DLGAP2: variants seen among roughly 807,000 people sequenced by gnomAD.
The protein encoded by DLGAP2 is disks large-associated protein 2.
Under a neutral mutation model 100.3 loss-of-function variants are expected in DLGAP2, and 26 were observed. The observed-to-expected ratio is 0.26, with a 90% CI of 0.19 to 0.36. DLGAP2 has a LOEUF of 0.36. Ranked by LOEUF, DLGAP2 falls within the 10% of genes least tolerant of loss-of-function variation. The pLI is 1.00. For missense variants in DLGAP2, 1,858 were observed against 1,453.2 expected (o/e 1.28, Z -4.53); for synonymous variants, 886 against 630.1 (o/e 1.41, Z -6.08).
intron 2 of DLGAP2, among the ~76,000 whole-genome samples, chr8:1,152,416 A>G (rs1796712347): frequency 6.6e-6 from 1 of 152,238 alleles, no homozygotes; most frequent in Admixed American, 6.5e-5. Context: ...TAAGTATTTA[A>G]ACGGGATGAA....
rs552046306 is a variant in DLGAP2, at chr8:1,086,082, G to A, written c.74-172769G>A. ...TTTTAGAAAGTTTATTGTTAGTGTA[G>A]AGAAACACTAATGACTTTGGCATGT... is the stretch of plus-strand genomic sequence containing the variant. On this transcript the variant is annotated intron_variant, in intron 2 of 14. Coordinates refer to ENST00000637795, the MANE Select transcript of DLGAP2 (RefSeq NM_001346810.2). Among the ~76,000 whole-genome samples, 12 of 152,196 alleles carry A rather than the reference G, an allele frequency of 7.9e-5. No homozygotes were observed. In the South Asian group the frequency reaches 1.9e-3, roughly 24 times the overall value.
chr8:1,630,780 C>G (rs562174243), intron 7 of DLGAP2, among the ~76,000 whole-genome samples: 3 of 152,190 alleles, frequency 2.0e-5, no homozygotes, highest in African/African-American at 4.8e-5. Context: ...AAAAATCTAA[C>G]TGAAGTCTTG....
intron 2 of DLGAP2, among the ~76,000 whole-genome samples, chr8:1,156,317 G>C (rs1042446802): frequency 6.6e-6 from 1 of 152,204 alleles, no homozygotes; most frequent in African/African-American, 2.4e-5. Context: ...CCTGAGGAGA[G>C]GATGGGAGCT....
At chr8:857,619 A>C (rs761276000) in intron 1 of DLGAP2, among the ~76,000 whole-genome samples, 1 of 152,180 alleles carries the variant, frequency 6.6e-6, no homozygotes, top group Non-Finnish European at 1.5e-5. Context: ...ATAAAACAGC[A>C]AGGAGACAGT....
At chr8:1,582,605 G>A (rs6988414) in intron 6 of DLGAP2, among the ~76,000 whole-genome samples, 10 of 151,474 alleles carry the variant, frequency 6.6e-5, no homozygotes, top group Non-Finnish European at 8.8e-5. Context: ...CTTTTCCCCC[G>A]CCAAGATGGA....
At chr8:847,314 C>T (rs568351082) in intron 1 of DLGAP2, among the ~76,000 whole-genome samples, 1 of 152,182 alleles carries the variant, frequency 6.6e-6, no homozygotes, top group South Asian at 2.1e-4. Context: ...ACTGTTTTTA[C>T]TTATGTTTCC....
intron 3 of DLGAP2, chr8:1,373,936 T>A (rs1409143334): frequency 6.6e-6 from 1 of 152,482 alleles, no homozygotes; most frequent in Non-Finnish European, 1.5e-5. Flanking sequence ...TTGAAAAAAG[T>A]TATCCCAATT....
intron 1 of DLGAP2, among the ~76,000 whole-genome samples, chr8:807,765 C>A (rs1796296650): frequency 6.6e-6 from 1 of 152,222 alleles, no homozygotes; most frequent in African/African-American, 2.4e-5. Flanking sequence ...TTCTTAGCTA[C>A]TTAGCTGTCT....
At position 928,407 on chromosome 8, in the gene DLGAP2, G is replaced by A. The variant is rs911152180; in HGVS notation, c.73+20441G>A. 9.2e-5 allele frequency among the ~76,000 whole-genome samples: 14 copies of A among 152,138 alleles called. 1 individual carries two copies. Among genetic ancestry groups the A allele is most frequent in the African/African-American group, 2.9e-4 (12 of 41,420 alleles). On this transcript the variant is annotated intron_variant, in intron 2 of 14. Coordinates refer to ENST00000637795, the MANE Select transcript of DLGAP2 (RefSeq NM_001346810.2). ...AATGTGTTCAGTAGGTGTCCTGGACGTGGATTTACTGTGCCCTTAGTGTAT... is the reference window on the plus strand; with the variant it reads ...AATGTGTTCAGTAGGTGTCCTGGACATGGATTTACTGTGCCCTTAGTGTAT...
intron 3 of DLGAP2, among the ~76,000 whole-genome samples, chr8:1,483,391 G>T (rs1296843047): frequency 6.6e-6 from 1 of 152,178 alleles, no homozygotes; most frequent in Admixed American, 6.5e-5. Context: ...ACGTGGAGAT[G>T]AGCACACCTG....
chr8:1,255,207 GCCCTC>G (rs1208064269), intron 2 of DLGAP2, among the ~76,000 whole-genome samples: 1 of 95,758 alleles, frequency 1.0e-5, no homozygotes. Context: ...CTGTGTGTGT[GCCCTC>G]TCATCCTGCC....
chr8:946,101 C>T (rs564094337), intron 2 of DLGAP2, among the ~76,000 whole-genome samples: 1 of 152,096 alleles, frequency 6.6e-6, no homozygotes, highest in East Asian at 1.9e-4. Flanking sequence ...TTTGTGTGTC[C>T]CTGTGATTGC....
At chr8:820,303 C>G (rs186808981) in intron 1 of DLGAP2, among the ~76,000 whole-genome samples, 2 of 152,238 alleles carry the variant, frequency 1.3e-5, no homozygotes, top group East Asian at 3.9e-4. Flanking sequence ...TTGGGAAGAT[C>G]TTTTAAATCA....
chr8:1,553,342 C>G (rs1225527056), intron 5 of DLGAP2, among the ~76,000 whole-genome samples: 1 of 152,242 alleles, frequency 6.6e-6, no homozygotes, highest in African/African-American at 2.4e-5. Context: ...TCGGACCCTA[C>G]TCTTTATTTG....
intron 2 of DLGAP2, among the ~76,000 whole-genome samples, chr8:1,200,607 T>G (rs1797850118): frequency 6.6e-6 from 1 of 152,182 alleles, no homozygotes; most frequent in Non-Finnish European, 1.5e-5. Flanking sequence ...TCCATTAGCG[T>G]CACCAAAGCG....
At chr8:1,549,944 G>A (rs1045441022) in intron 5 of DLGAP2, among the ~76,000 whole-genome samples, 1 of 152,176 alleles carries the variant, frequency 6.6e-6, no homozygotes, top group African/African-American at 2.4e-5. Flanking sequence ...GTTAACTGCA[G>A]TTACCGTGCT....
chr8:1,699,603 G>C (rs1291005391), intron 14 of DLGAP2, among the ~76,000 whole-genome samples: 2 of 151,838 alleles, frequency 1.3e-5, no homozygotes, highest in Non-Finnish European at 2.9e-5. Flanking sequence ...AACAGAGTGA[G>C]ACTCTGTCTC....
chr8:1,362,767 G>A (rs999842280), intron 3 of DLGAP2, among the ~76,000 whole-genome samples: 1 of 152,238 alleles, frequency 6.6e-6, no homozygotes, highest in Non-Finnish European at 1.5e-5. Flanking sequence ...GTCCATTTCT[G>A]TACTTCTTTG....
intron 12 of DLGAP2, among the ~76,000 whole-genome samples, chr8:1,687,359 G>C (rs1054175539): frequency 1.3e-5 from 2 of 152,214 alleles, no homozygotes; most frequent in African/African-American, 4.8e-5. Context: ...TTGTGAATTT[G>C]CATTCTGATG....
Sources: gnomAD v4.1 joint callset for allele counts (sites outside exome capture counted in the v4.1 genomes callset) on GRCh38, gnomAD v4.1.1 for gene constraint, MANE v1.5 for transcripts, NCBI Gene and HGNC (gene_info 2026-07-23, HGNC 2026-07-21) for gene names.